Variants in VPS33A observed in about 807,000 individuals in gnomAD.
The protein encoded by VPS33A is vacuolar protein sorting-associated protein 33A.
Under a neutral mutation model 71.8 loss-of-function variants are expected in VPS33A, and 32 were observed. That is an observed-to-expected ratio of 0.45 (90% CI 0.34 to 0.60). The LOEUF is 0.60. Ranked by LOEUF, VPS33A falls within the 20% of genes least tolerant of loss-of-function variation. The pLI is 0.02. For missense variants in VPS33A, 625 were observed against 748.5 expected (o/e 0.84, Z 1.92); for synonymous variants, 311 against 292.7 (o/e 1.06, Z -0.64).
rs1206113784 is a variant in VPS33A at position 122,263,611 on chromosome 12, C to G, written c.257G>C (p.Arg86Thr). ...VKNIIFFVRPRLELMDIIAEN... is the reference protein window; with the variant it reads ...VKNIIFFVRPTLELMDIIAEN... ...AGCGATTATATCCATCAACTCTAGCCTGGGTCTGACAAAAAAAATTATATT... is the reference window on the plus strand; with the variant it reads ...AGCGATTATATCCATCAACTCTAGCGTGGGTCTGACAAAAAAAATTATATT... The change falls in exon 3 of 13, where the codon AGG (arginine) becomes ACG (threonine). Residue 86 changes from arginine (R) to threonine (T), a missense_variant. Arg to Thr is a moderately conservative substitution (Grantham distance 71). Transcript: ENST00000267199. 4 of 1,613,172 alleles carry G rather than the reference C, an allele frequency of 2.5e-6. No individual in the cohort carries two copies. Among genetic ancestry groups the G allele is most frequent in the Non-Finnish European group, 3.4e-6 (4 of 1,179,486 alleles).
intron 11 of VPS33A, among the ~76,000 whole-genome samples, chr12:122,234,707 C>T (rs1362974232): frequency 3.3e-5 from 5 of 151,960 alleles, no homozygotes; most frequent in African/African-American, 1.2e-4. Context: ...CACCAACACA[C>T]TCCAATGCCT....
Position 122,239,538 on chromosome 12 carries a change from T to C in VPS33A, c.1164+340A>G, listed in dbSNP as rs534627581. ...ATCACAAGGTCGGAGATCGAGACCA[T>C]CCTGGCTAACATGGTGAAACCCCGT... is the stretch of plus-strand genomic sequence containing the variant. On this transcript the variant is annotated intron_variant, in intron 9 of 12. Transcript: ENST00000267199. Among the ~76,000 whole-genome samples, 9 of 152,056 alleles carry C rather than the reference T, an allele frequency of 5.9e-5. No individual in the cohort carries two copies. The East Asian group carries it at 1.4e-3, about 23-fold the overall frequency.
chr12:122,240,383 C>T (rs1024618607), intron 8 of VPS33A, among the ~76,000 whole-genome samples: 7 of 152,122 alleles, frequency 4.6e-5, no homozygotes, highest in East Asian at 1.9e-4. Context: ...AAGTTCAAGT[C>T]ATCACCTGAA....
chr12:122,235,851 C>A lies in VPS33A; in HGVS notation c.1375G>T (p.Gly459Cys). 6.2e-7 allele frequency: 1 copy of A among 1,613,674 alleles called. No individual in the cohort carries two copies. The highest frequency in any genetic ancestry group is 8.5e-7 in the Non-Finnish European group (1 of 1,179,866). ...KAGLLKPQTG[G>C]RNNYPTIRKT... ...CGTATAGTTGGGTAATTGTTTCTGC[C>A]CCCCGTCTGCGGTTTCAGCAGGCCG... The change falls in exon 11 of 13, where the codon GGC (glycine) becomes TGC (cysteine). Residue 459 changes from glycine (G) to cysteine (C), a missense_variant. By Grantham distance (159) the Gly-to-Cys change is radical. Coordinates refer to ENST00000267199, the MANE Select transcript of VPS33A (RefSeq NM_022916.6).
chr12:122,245,275 T>C (rs2136133070), intron 6 of VPS33A, among the ~76,000 whole-genome samples: 1 of 152,248 alleles, frequency 6.6e-6, no homozygotes, highest in South Asian at 2.1e-4. Flanking sequence ...TTTTTTTAAA[T>C]AAAACTTTTG....
At chr12:122,240,469 A>C (rs1355953210) in intron 8 of VPS33A, among the ~76,000 whole-genome samples, 2 of 152,116 alleles carry the variant, frequency 1.3e-5, no homozygotes, top group Non-Finnish European at 2.9e-5. Context: ...CGACAAGTGC[A>C]CTCTTTTGTA....
At chr12:122,240,545 A>C (rs1262263827) in intron 8 of VPS33A, among the ~76,000 whole-genome samples, 1 of 152,172 alleles carries the variant, frequency 6.6e-6, no homozygotes, top group Non-Finnish European at 1.5e-5. Context: ...TTTCTCAAGA[A>C]CATTTCATTT....
rs1005414415 is a variant in VPS33A, at chr12:122,239,018, CACA to C, written c.1165-297_1165-295del. 5.7e-4 allele frequency among the ~76,000 whole-genome samples: 83 copies of C among 145,054 alleles called. 1 individual carries two copies. The highest frequency in any genetic ancestry group is 2.0e-3 in the African/African-American group (79 of 40,200). Reference sequence around the variant, plus strand: ...ACATACACACACACACACACACACACACACCCCCCAGTGATCAGGCCAAGTCAC... The same window carrying C: ...ACATACACACACACACACACACACACCCCCCCAGTGATCAGGCCAAGTCAC... On this transcript the variant is annotated intron_variant, in intron 9 of 12. Coordinates refer to ENST00000267199, the MANE Select transcript of VPS33A (RefSeq NM_022916.6).
intron 10 of VPS33A, among the ~76,000 whole-genome samples, chr12:122,237,588 C>T (rs1954646636): frequency 7.2e-6 from 1 of 139,842 alleles, no homozygotes; most frequent in Non-Finnish European, 1.5e-5. Flanking sequence ...CCAGGCCGGA[C>T]TGCGGACTGC....
chr12:122,254,933 C>T (rs1040118717), intron 4 of VPS33A, among the ~76,000 whole-genome samples: 1 of 151,838 alleles, frequency 6.6e-6, no homozygotes, highest in Admixed American at 6.6e-5. Context: ...CGCCTGTAGT[C>T]CCAGCTACTC....
intron 4 of VPS33A, 100 bp downstream of exon 4, chr12:122,261,160 TA>T: frequency 1.0e-6 from 1 of 990,834 alleles, no homozygotes; most frequent in Non-Finnish European, 1.4e-6. Flanking sequence ...AATAAACATA[TA>T]AAATGGGACT....
chr12:122,266,170 G>T, intron 1 of VPS33A, 137 bp downstream of exon 1: 1 of 1,331,180 alleles, frequency 7.5e-7, no homozygotes, highest in Non-Finnish European at 1.0e-6. Flanking sequence ...CAGGGGTGCA[G>T]GTAAAAGGGC....
rs760322594 is a variant in VPS33A, at chr12:122,266,379, C to T, written c.30G>A (p.Val10=). The T allele has an allele frequency of 6.2e-7, 1 of 1,613,644 alleles. No homozygotes were observed. Among genetic ancestry groups the T allele is most frequent in the South Asian group, 1.1e-5 (1 of 91,084 alleles). ...CCGCCTCGCGCAACACGTTTAGGTTCACTCGGCCGTAGGACAGATGAGCCG... is the reference window on the plus strand; with the variant it reads ...CCGCCTCGCGCAACACGTTTAGGTTTACTCGGCCGTAGGACAGATGAGCCG... MAAHLSYGR[V]NLNVLREAVR... is the part of the protein sequence containing the mutation. Residue 10 remains valine (V), a synonymous_variant, in exon 1 of 13, where the codon GTG becomes GTA. Transcript: ENST00000267199.
At chr12:122,251,747 G>C (rs1025953113) in intron 4 of VPS33A, among the ~76,000 whole-genome samples, 1 of 151,998 alleles carries the variant, frequency 6.6e-6, no homozygotes, top group Non-Finnish European at 1.5e-5. Flanking sequence ...ACACAGGAAG[G>C]GGAACATCAC....
chr12:122,257,426 C>CAA (rs35763135), intron 4 of VPS33A, among the ~76,000 whole-genome samples: 50 of 64,772 alleles, frequency 7.7e-4, no homozygotes, highest in Admixed American at 9.6e-4. Context: ...GACTCTGCCT[C>CAA]AAAAAAAAAA....
intron 11 of VPS33A, 65 bp downstream of exon 11, chr12:122,235,721 T>C: frequency 2.0e-6 from 3 of 1,515,260 alleles, no homozygotes; most frequent in Non-Finnish European, 1.8e-6. Context: ...TTCAGAAGCA[T>C]GTGTTGTCAC....
At chr12:122,245,774 T>C (rs1954768986) in intron 6 of VPS33A, among the ~76,000 whole-genome samples, 3 of 152,222 alleles carry the variant, frequency 2.0e-5, no homozygotes, top group Admixed American at 2.0e-4. Context: ...TAAAGTTTTA[T>C]TGGCACATGG....
intron 10 of VPS33A, among the ~76,000 whole-genome samples, chr12:122,237,789 A>G (rs1037212080): frequency 2.0e-5 from 3 of 149,148 alleles, no homozygotes; most frequent in African/African-American, 7.6e-5. Flanking sequence ...ATCCTAGCAC[A>G]TAGTAAATGC....
chr12:122,235,792 A>C lies in VPS33A; in HGVS notation c.1434T>G (p.Asn478Lys). The C allele has an allele frequency of 1.2e-6, 2 of 1,611,294 alleles. No individual in the cohort carries two copies. The highest frequency in any genetic ancestry group is 1.7e-6 in the Non-Finnish European group (2 of 1,178,660). ...GTGGAGAAGTGTGGCTTACTTGCTC[A>C]TTAACATCATCCATCCAGAGGCGTA... is the stretch of plus-strand genomic sequence containing the variant. ...KTLRLWMDDV[N>K]EQNPTDISYV... The change falls in exon 11 of 13, where the codon AAT becomes AAG. Residue 478 changes from asparagine (N) to lysine (K), a missense_variant. Asn to Lys is a moderately conservative substitution (Grantham distance 94, BLOSUM62 0). Transcript: ENST00000267199.
Sources: gnomAD v4.1 joint callset for allele counts (sites outside exome capture counted in the v4.1 genomes callset) on GRCh38, gnomAD v4.1.1 for gene constraint, MANE v1.5 for transcripts, NCBI Gene and HGNC (gene_info 2026-07-23, HGNC 2026-07-21) for gene names.